Variants in TCF12 observed in about 807,000 individuals in gnomAD.
The protein encoded by TCF12 is transcription factor 12.
A neutral mutation model predicts 86.0 loss-of-function variants in TCF12; 45 were observed. That is an observed-to-expected ratio of 0.52 (90% CI 0.41 to 0.67). The LOEUF (loss-of-function observed/expected upper bound fraction) is 0.67, where lower values mean the gene tolerates loss of function less well. Ranked by LOEUF, TCF12 falls within the 30% of genes least tolerant of loss-of-function variation. The pLI, the probability that TCF12 is intolerant of heterozygous loss-of-function variation, is 0.00. For missense variants in TCF12, 881 were observed against 859.9 expected, an observed-to-expected ratio of 1.02 and a Z score of -0.31; for synonymous variants, 330 against 299.6, an observed-to-expected ratio of 1.10 and a Z score of -1.05.
rs114860106 is a variant in TCF12 at position 56,952,834 on chromosome 15, T to C, written c.148+31736T>C. Among the ~76,000 whole-genome samples the C allele has an allele frequency of 2.7e-3, 406 of 152,296 alleles. 2 individuals carry two copies. Among genetic ancestry groups the C allele is most frequent in the Middle Eastern group, 0.01 (3 of 294 alleles). ...AATAAAGATAATTTTACTTCTTGCTTTCCAATCTGGATGCCTTTTTTAAAT... is the reference window on the plus strand; with the variant it reads ...AATAAAGATAATTTTACTTCTTGCTCTCCAATCTGGATGCCTTTTTTAAAT... On this transcript the variant is annotated intron_variant, in intron 3 of 20. Transcript: ENST00000333725.
intron 8 of TCF12, among the ~76,000 whole-genome samples, chr15:57,201,096 T>C (rs189753411): frequency 6.6e-6 from 1 of 152,310 alleles, no homozygotes; most frequent in Admixed American, 6.5e-5. Context: ...AAGTGATGTT[T>C]TTAAAGCACA....
intron 3 of TCF12, among the ~76,000 whole-genome samples, chr15:57,007,224 A>G (rs931852236): frequency 6.6e-6 from 1 of 152,198 alleles, no homozygotes; most frequent in African/African-American, 2.4e-5. Context: ...ACAGTAAACC[A>G]TGTAGATGAA....
At chr15:56,994,800 A>G (rs11632502) in intron 3 of TCF12, among the ~76,000 whole-genome samples, 27,453 of 152,098 alleles carry the variant, frequency 0.18, 2,967 homozygotes, top group Non-Finnish European at 0.24. Context: ...GACGTGATCT[A>G]AAAGAATTGC....
chr15:57,201,533 A>G (rs570806172), intron 8 of TCF12, among the ~76,000 whole-genome samples: 2 of 152,160 alleles, frequency 1.3e-5, no homozygotes, highest in East Asian at 1.9e-4. Context: ...ACAAGTTGCA[A>G]CCTTTGTAAT....
At chr15:56,974,618 A>AATCCTGCTTTAATATTTACAG (rs2062510280) in intron 3 of TCF12, among the ~76,000 whole-genome samples, 1 of 151,906 alleles carries the variant, frequency 6.6e-6, no homozygotes, top group African/African-American at 2.4e-5. Context: ...AGTATTTACA[A>AATCCTGCTTTAATATTTACAG]CAATCCTGCT....
intron 3 of TCF12, among the ~76,000 whole-genome samples, chr15:56,942,277 T>G (rs1289882543): frequency 6.6e-6 from 1 of 152,218 alleles, no homozygotes; most frequent in African/African-American, 2.4e-5. Context: ...TGTAAACACA[T>G]TTCAAAAAAT....
At chr15:57,218,562 C>T (rs2058431736) in intron 8 of TCF12, among the ~76,000 whole-genome samples, 1 of 152,016 alleles carries the variant, frequency 6.6e-6, no homozygotes, top group African/African-American at 2.4e-5. Context: ...TATGAATATA[C>T]AAAGTATTAA....
chr15:56,967,433 G>T (rs1157156617), intron 3 of TCF12, among the ~76,000 whole-genome samples: 12 of 152,298 alleles, frequency 7.9e-5, no homozygotes, highest in Non-Finnish European at 1.6e-4. Context: ...TGATTTGATG[G>T]TTCTGTGTAG....
At chr15:57,258,253 C>G (rs1318949439) in intron 16 of TCF12, among the ~76,000 whole-genome samples, 1 of 152,086 alleles carries the variant, frequency 6.6e-6, no homozygotes, top group East Asian at 1.9e-4. Context: ...ATACTTCACC[C>G]TGAGTGACAA....
At chr15:57,242,850 A>G (rs1456810882) in intron 12 of TCF12, among the ~76,000 whole-genome samples, 2 of 152,228 alleles carry the variant, frequency 1.3e-5, no homozygotes, top group Non-Finnish European at 2.9e-5. Flanking sequence ...TCCACAAATC[A>G]TCTTGGAAAC....
chr15:57,002,656 T>C lies in TCF12; in HGVS notation c.149-61094T>C, dbSNP rs142749611. ...ATCCCAATTCAAAAAGAAAACTAAG[T>C]GACTTGAGAGAAGTTTCTAAAAGCT... On this transcript the variant is annotated intron_variant, in intron 3 of 20. Coordinates refer to ENST00000333725, the MANE Select transcript of TCF12 (RefSeq NM_207037.2). 5.9e-5 allele frequency among the ~76,000 whole-genome samples: 9 copies of C among 152,320 alleles called. No individual in the cohort carries two copies. The East Asian group carries it at 1.7e-3, about 29-fold the overall frequency.
At chr15:56,989,765 C>T (rs139861988) in intron 3 of TCF12, among the ~76,000 whole-genome samples, 31 of 152,232 alleles carry the variant, frequency 2.0e-4, no homozygotes, top group Non-Finnish European at 4.1e-4. Context: ...TTAAAGTGAA[C>T]TTGATGCACC....
chr15:57,067,946 A>G (rs1361502793), intron 4 of TCF12, among the ~76,000 whole-genome samples: 3 of 152,132 alleles, frequency 2.0e-5, no homozygotes, highest in Non-Finnish European at 4.4e-5. Context: ...TTTATTCTTT[A>G]TTGCATAGAA....
At chr15:57,046,971 A>G (rs1200842034) in intron 3 of TCF12, among the ~76,000 whole-genome samples, 1 of 152,214 alleles carries the variant, frequency 6.6e-6, no homozygotes, top group African/African-American at 2.4e-5. Context: ...GAGGAAATTA[A>G]GAAGCCCTGT....
chr15:56,989,697 C>T (rs1472792969), intron 3 of TCF12, among the ~76,000 whole-genome samples: 2 of 152,108 alleles, frequency 1.3e-5, no homozygotes, highest in Admixed American at 1.3e-4. Flanking sequence ...GGTGGGCTGA[C>T]CTTGACTTAG....
chr15:57,275,472 C>T (rs2061362087), intron 19 of TCF12, among the ~76,000 whole-genome samples: 1 of 119,158 alleles, frequency 8.4e-6, no homozygotes, highest in Non-Finnish European at 1.8e-5. Flanking sequence ...CCTTGAAGGA[C>T]ACTCTTATGG....
intron 5 of TCF12, among the ~76,000 whole-genome samples, chr15:57,153,064 G>C (rs529024596): frequency 1.3e-5 from 2 of 152,106 alleles, no homozygotes; most frequent in Non-Finnish European, 2.9e-5. Flanking sequence ...TTTTAAAACT[G>C]TGTCAACCCG....
Position 57,148,602 on chromosome 15 carries a change from C to T in TCF12, c.326-17800C>T, listed in dbSNP as rs544468782. Among the ~76,000 whole-genome samples the T allele has an allele frequency of 1.0e-3, 155 of 151,526 alleles. 1 individual carries two copies. The highest frequency in any genetic ancestry group is 3.5e-3 in the African/African-American group (145 of 41,332). Reference sequence around the variant, plus strand: ...GTTTTTTCAAAAAATGCTCAAATGGCCAGGCACAGTGGCTCATGCCTGTAT... The same window carrying T: ...GTTTTTTCAAAAAATGCTCAAATGGTCAGGCACAGTGGCTCATGCCTGTAT... On this transcript the variant is annotated intron_variant, in intron 5 of 20. Coordinates refer to ENST00000333725, the MANE Select transcript of TCF12 (RefSeq NM_207037.2).
At position 57,251,727 on chromosome 15, in the gene TCF12, CT is replaced by C. The variant is rs568112706; in HGVS notation, c.1188+311del. On this transcript the variant is annotated intron_variant, in intron 14 of 20. Coordinates refer to ENST00000333725, the MANE Select transcript of TCF12 (RefSeq NM_207037.2). ...TTCTATGTCTACATATAAAGGGAAA[CT>C]TTTTTTAAAAAGACAAGTAAAAGCA... Among the ~76,000 whole-genome samples the C allele has an allele frequency of 2.4e-3, 370 of 152,154 alleles. 6 individuals are homozygous for C. The highest frequency in any genetic ancestry group is 0.022 in the Admixed American group (339 of 15,282).
Sources: gnomAD v4.1 joint callset for allele counts (sites outside exome capture counted in the v4.1 genomes callset) on GRCh38, gnomAD v4.1.1 for gene constraint, MANE v1.5 for transcripts, NCBI Gene and HGNC (gene_info 2026-07-23, HGNC 2026-07-21) for gene names.